The following PXYLP1 variants were observed in gnomAD, a reference collection of about 807,000 sequenced individuals.
The protein encoded by PXYLP1 is acid phosphatase-like 2.
PXYLP1 carries 17 observed loss-of-function variants against 37.9 expected under a neutral mutation model. That is an observed-to-expected ratio of 0.45 (90% CI 0.31 to 0.67). The LOEUF is 0.67. PXYLP1 is among the 30% of genes least tolerant of loss of function. The pLI is 0.07. For missense variants in PXYLP1, 511 were observed against 612.0 expected (o/e 0.84, Z 1.74); for synonymous variants, 221 against 232.2 (o/e 0.95, Z 0.44).
In PXYLP1 at chr3:141,258,043, A is replaced by G. The variant is rs78261425; in HGVS notation, c.-53-2080A>G. Among the ~76,000 whole-genome samples the G allele has an allele frequency of 6.6e-3, 999 of 152,258 alleles. 12 individuals carry two copies. Among genetic ancestry groups the G allele is most frequent in the African/African-American group, 0.022 (922 of 41,554 alleles). On this transcript the variant is annotated intron_variant, in intron 1 of 5. Transcript: ENST00000286353. ...AGGGAGAGGGAAATCCCTTAAGAGC[A>G]TGGAAGCAGGAAGTAGTTGAGGGAC...
At chr3:141,261,865 G>A (rs1025129969) in intron 2 of PXYLP1, 1 of 152,224 alleles carries the variant, frequency 6.6e-6, no homozygotes, top group African/African-American at 2.4e-5. Context: ...TGTATTTGAA[G>A]CTGAGAAAAC....
intron 1 of PXYLP1, among the ~76,000 whole-genome samples, chr3:141,256,615 G>A (rs1242159442): frequency 6.6e-6 from 1 of 152,200 alleles, no homozygotes; most frequent in Non-Finnish European, 1.5e-5. Flanking sequence ...TCAAATCCAT[G>A]TGAATTTTGG....
chr3:141,274,922 T>C (rs1274812443), intron 2 of PXYLP1, among the ~76,000 whole-genome samples: 2 of 152,104 alleles, frequency 1.3e-5, no homozygotes, highest in Admixed American at 6.5e-5. Context: ...CGGTGGAGCA[T>C]AGGCGAGAAA....
chr3:141,242,286 C>T (rs1940823499), intron 1 of PXYLP1, among the ~76,000 whole-genome samples: 1 of 152,178 alleles, frequency 6.6e-6, no homozygotes, highest in Non-Finnish European at 1.5e-5. Context: ...CACAGACTGG[C>T]CTGATTAGAG....
At chr3:141,232,035 G>C (rs1461929580) in intron 1 of PXYLP1, 124 bp downstream of exon 1, 1 of 152,410 alleles carries the variant, frequency 6.6e-6, no homozygotes. Context: ...TAACTCGCCA[G>C]TGGGAGAGGG....
chr3:141,233,568 G>A (rs1427020137), intron 1 of PXYLP1, among the ~76,000 whole-genome samples: 1 of 151,780 alleles, frequency 6.6e-6, no homozygotes, highest in Non-Finnish European at 1.5e-5. Flanking sequence ...CCTTCTCCTG[G>A]CTTTCATTAA....
chr3:141,253,641 C>T (rs1257246517), intron 1 of PXYLP1, among the ~76,000 whole-genome samples: 1 of 151,504 alleles, frequency 6.6e-6, no homozygotes, highest in Admixed American at 6.6e-5. Flanking sequence ...TCCCTACTTC[C>T]CTCGCCAGAC....
intron 2 of PXYLP1, among the ~76,000 whole-genome samples, chr3:141,276,538 C>T (rs1226970673): frequency 3.3e-5 from 5 of 152,276 alleles, no homozygotes; most frequent in South Asian, 2.1e-4. Context: ...AGGGACATAA[C>T]GTTCTGTTCT....
chr3:141,254,364 T>C (rs2148729953), intron 1 of PXYLP1, among the ~76,000 whole-genome samples: 1 of 152,332 alleles, frequency 6.6e-6, no homozygotes, highest in East Asian at 1.9e-4. Context: ...GCCTGGCACT[T>C]ACTGGCTCTC....
At chr3:141,262,623 C>A in intron 2 of PXYLP1, 1 of 1,475,560 alleles carries the variant, frequency 6.8e-7, no homozygotes, top group Non-Finnish European at 8.9e-7. Flanking sequence ...GAAAATTTTG[C>A]AGGGTAAATT....
At chr3:141,242,784 C>G (rs1026710768) in intron 1 of PXYLP1, among the ~76,000 whole-genome samples, 12 of 152,150 alleles carry the variant, frequency 7.9e-5, no homozygotes, top group African/African-American at 2.9e-4. Context: ...CTTATGTTTT[C>G]CAGGATGGAT....
At chr3:141,272,964 A>G (rs995189327) in intron 2 of PXYLP1, 1 of 983,366 alleles carries the variant, frequency 1.0e-6, no homozygotes, top group African/African-American at 1.7e-5. Context: ...GTGGACACCC[A>G]GTATTAACCA....
At chr3:141,282,988 G>A (rs1225008258) in intron 4 of PXYLP1, among the ~76,000 whole-genome samples, 1 of 150,620 alleles carries the variant, frequency 6.6e-6, no homozygotes, top group Non-Finnish European at 1.5e-5. Context: ...TTTTTTTTGA[G>A]ACAGAGTCTC....
In PXYLP1 at chr3:141,247,175, C is replaced by T. The variant is rs187984685; in HGVS notation, c.-53-12948C>T. Among the ~76,000 whole-genome samples the T allele has an allele frequency of 3.9e-5, 6 of 152,322 alleles. No homozygotes were observed. In the East Asian group the frequency reaches 1.2e-3, roughly 29 times the overall value. On this transcript the variant is annotated intron_variant, in intron 1 of 5. Transcript: ENST00000286353. The stretch of plus-strand genomic sequence containing the variant: ...CCTGGAGTCCCCAGTGAGCAAGGCT[C>T]TTCTGTGGGGCTGAGAGATGTCTGG...
chr3:141,257,215 C>T (rs1941282409), intron 1 of PXYLP1, among the ~76,000 whole-genome samples: 1 of 152,188 alleles, frequency 6.6e-6, no homozygotes, highest in African/African-American at 2.4e-5. Context: ...AGCAAACTGT[C>T]ACCACAGTTT....
At chr3:141,280,008 A>G (rs139417628) in intron 4 of PXYLP1, among the ~76,000 whole-genome samples, 1 of 152,312 alleles carries the variant, frequency 6.6e-6, no homozygotes, top group East Asian at 1.9e-4. Context: ...CACCCTTCTA[A>G]TTTTTCACTG....
At chr3:141,249,297 T>G (rs1941087420) in intron 1 of PXYLP1, among the ~76,000 whole-genome samples, 1 of 152,116 alleles carries the variant, frequency 6.6e-6, no homozygotes, top group African/African-American at 2.4e-5. Flanking sequence ...AAGGCCTCAT[T>G]GGGCAAAACG....
intron 1 of PXYLP1, among the ~76,000 whole-genome samples, chr3:141,254,294 C>A (rs1320979602): frequency 6.6e-6 from 1 of 152,208 alleles, no homozygotes; most frequent in Non-Finnish European, 1.5e-5. Context: ...CTGGGACCTT[C>A]CATATGACAA....
chr3:141,266,520 C>T (rs1243175586), intron 2 of PXYLP1, among the ~76,000 whole-genome samples: 1 of 152,042 alleles, frequency 6.6e-6, no homozygotes, highest in Non-Finnish European at 1.5e-5. Context: ...CAGCAGCAGC[C>T]AGGGGGTGGA....
Sources: allele counts gnomAD v4.1 joint callset (sites outside exome capture counted in the v4.1 genomes callset), GRCh38; gene constraint gnomAD v4.1.1; transcripts MANE v1.5; gene names NCBI Gene and HGNC (gene_info 2026-07-23, HGNC 2026-07-21).